Variants in DCLK1 observed in about 807,000 individuals in gnomAD.
DCLK1 encodes the protein serine/threonine-protein kinase DCLK1.
A neutral mutation model predicts 86.2 loss-of-function variants in DCLK1; 16 were observed. The ratio of observed to expected loss-of-function variants is 0.19; its 90% confidence interval spans 0.13 to 0.28. The LOEUF is 0.28. DCLK1 is among the 10% of genes least tolerant of loss of function. The pLI is 1.00. For missense variants in DCLK1, 590 were observed against 940.2 expected (o/e 0.63, Z 4.87); for synonymous variants, 369 against 370.5 (o/e 1.00, Z 0.05).
chr13:35,974,325 T>C (rs28454508), intron 3 of DCLK1, among the ~76,000 whole-genome samples: 18,588 of 152,120 alleles, frequency 0.12, 2,102 homozygotes, highest in African/African-American at 0.29. Flanking sequence ...ATCTTGCTAC[T>C]GTCCTTACAC....
At chr13:35,858,219 T>C (rs1871185414) in intron 5 of DCLK1, among the ~76,000 whole-genome samples, 1 of 152,006 alleles carries the variant, frequency 6.6e-6, no homozygotes, top group South Asian at 2.1e-4. Flanking sequence ...GGTAGTGTCA[T>C]GGGGTGGAGG....
chr13:35,808,656 G>A (rs1004626073), intron 13 of DCLK1, among the ~76,000 whole-genome samples: 4 of 152,120 alleles, frequency 2.6e-5, no homozygotes, highest in African/African-American at 4.8e-5. Flanking sequence ...GGCGGCGCAC[G>A]CCTGTGATCC....
At chr13:35,832,738 C>A (rs777894632) in intron 8 of DCLK1, among the ~76,000 whole-genome samples, 11 of 152,180 alleles carry the variant, frequency 7.2e-5, no homozygotes, top group Non-Finnish European at 1.5e-4. Context: ...CTGCCAAGAG[C>A]AGAGAGCAGA....
At position 35,972,167 on chromosome 13, in the gene DCLK1, TCTC is replaced by T. The variant is rs142159794; in HGVS notation, c.724-24713_724-24711del. On this transcript the variant is annotated intron_variant, in intron 3 of 16. Transcript: ENST00000360631. ...GTCCTATTTACCACCTAGACATTTC[TCTC>T]CTCCTCCTTCCTCTGAGGTCCTTTC... Among the ~76,000 whole-genome samples the T allele has an allele frequency of 1.5e-3, 230 of 152,280 alleles. 1 individual carries two copies. Among genetic ancestry groups the T allele is most frequent in the Non-Finnish European group, 2.3e-3 (158 of 68,028 alleles).
intron 10 of DCLK1, among the ~76,000 whole-genome samples, chr13:35,825,819 T>A (rs1039145821): frequency 1.7e-4 from 13 of 74,942 alleles, no homozygotes; most frequent in African/African-American, 4.4e-4. Context: ...TTTTCTTTTT[T>A]ATTTTTTTTT....
intron 3 of DCLK1, among the ~76,000 whole-genome samples, chr13:36,015,160 G>A (rs1196761990): frequency 1.3e-5 from 2 of 152,112 alleles, no homozygotes; most frequent in Non-Finnish European, 2.9e-5. Context: ...CATTAATGAG[G>A]ATTAGTTACA....
intron 4 of DCLK1, among the ~76,000 whole-genome samples, chr13:35,892,713 T>C (rs1264035119): frequency 6.6e-6 from 1 of 152,200 alleles, no homozygotes; most frequent in African/African-American, 2.4e-5. Context: ...TCTCCCATGA[T>C]AAAGGGACAG....
intron 8 of DCLK1, among the ~76,000 whole-genome samples, chr13:35,834,415 G>C (rs1293448675): frequency 6.6e-6 from 1 of 152,168 alleles, no homozygotes; most frequent in Non-Finnish European, 1.5e-5. Flanking sequence ...TAAAAGTGTG[G>C]TTTTTGGAGC....
intron 3 of DCLK1, among the ~76,000 whole-genome samples, chr13:36,083,894 A>G (rs536116513): frequency 4.6e-5 from 7 of 152,198 alleles, no homozygotes; most frequent in Non-Finnish European, 1.0e-4. Context: ...ATATCCTCCA[A>G]GTCAACAGGT....
chr13:35,822,942 C>A (rs985975036), intron 10 of DCLK1, 67 bp from the exon 11 acceptor site: 3 of 1,565,310 alleles, frequency 1.9e-6, no homozygotes, highest in Non-Finnish European at 2.6e-6. Flanking sequence ...CTGCAGAGGC[C>A]ATTGACAAAC....
intron 4 of DCLK1, among the ~76,000 whole-genome samples, chr13:35,898,672 G>A (rs866850206): frequency 2.0e-5 from 3 of 152,176 alleles, no homozygotes; most frequent in Admixed American, 2.0e-4. Flanking sequence ...TGTGACCATG[G>A]CTGCCATTTT....
At chr13:36,080,629 C>A (rs1022551163) in intron 3 of DCLK1, among the ~76,000 whole-genome samples, 1 of 152,100 alleles carries the variant, frequency 6.6e-6, no homozygotes, top group East Asian at 1.9e-4. Context: ...TTTATTGATT[C>A]TTGCATTATT....
At chr13:36,126,334 A>C (rs1201151494) in intron 1 of DCLK1, among the ~76,000 whole-genome samples, 178 bp from the exon 2 acceptor site, 1 of 152,042 alleles carries the variant, frequency 6.6e-6, no homozygotes, top group Non-Finnish European at 1.5e-5. Flanking sequence ...GGCTCAAATG[A>C]TCCTCCTGCA....
At chr13:35,897,452 G>A (rs958082515) in intron 4 of DCLK1, among the ~76,000 whole-genome samples, 87 of 152,264 alleles carry the variant, frequency 5.7e-4, no homozygotes, top group African/African-American at 1.9e-3. Context: ...GACTTTTTAG[G>A]AGCTCCATAA....
At chr13:35,913,810 C>A (rs575945956) in intron 4 of DCLK1, among the ~76,000 whole-genome samples, 1 of 151,962 alleles carries the variant, frequency 6.6e-6, no homozygotes, top group South Asian at 2.1e-4. Context: ...ACAGAAGTTA[C>A]GGAAGCATAA....
Position 35,839,117 on chromosome 13 carries a change from C to T in DCLK1, c.1095G>A (p.Met365Ile). Residue 365 changes from methionine to isoleucine, a missense_variant, in exon 7 of 17, where the codon ATG (methionine) becomes ATA (isoleucine). By Grantham distance (10) the Met-to-Ile change is conservative (BLOSUM62 1). Coordinates refer to ENST00000360631, the MANE Select transcript of DCLK1 (RefSeq NM_001330071.2). ...CTTCTCCAGGGCCATCGTTCTCATC[C>T]ATCGAGCTGCAGACTTTGGTGGACG... ...SLASTKVCSS[M>I]DENDGPGEEV... The T allele has an allele frequency of 5.0e-6, 8 of 1,599,758 alleles. No individual in the cohort carries two copies. Among genetic ancestry groups the T allele is most frequent in the Non-Finnish European group, 6.8e-6 (8 of 1,173,410 alleles).
chr13:35,852,039 A>G (rs754980372), intron 6 of DCLK1, among the ~76,000 whole-genome samples: 22 of 151,452 alleles, frequency 1.5e-4, no homozygotes, highest in Non-Finnish European at 2.6e-4. Context: ...GGGTGGGGGC[A>G]GTCAACTCAT....
At chr13:35,792,484 AT>A (rs2086725952) in intron 16 of DCLK1, among the ~76,000 whole-genome samples, 1 of 152,208 alleles carries the variant, frequency 6.6e-6, no homozygotes, top group South Asian at 2.1e-4. Context: ...GTTTAATAGC[AT>A]AAATACTTTT....
At position 35,985,392 on chromosome 13, in the gene DCLK1, A is replaced by C. The variant is rs75462842; in HGVS notation, c.724-37935T>G. On this transcript the variant is annotated intron_variant, in intron 3 of 16. Transcript: ENST00000360631. ...CCTGCTCTTTGAAAAACAAACAAAC[A>C]AAAAAAAAAAATTGGAGTACTGAAA... is the stretch of plus-strand genomic sequence containing the variant. 7.6e-5 allele frequency among the ~76,000 whole-genome samples: 7 copies of C among 92,078 alleles called. No homozygotes were observed. The East Asian group carries it at 1.3e-3, about 17-fold the overall frequency. 60.4% of individuals were successfully genotyped at this position (92,078 alleles called of 152,430 possible).
Sources: allele counts gnomAD v4.1 joint callset (sites outside exome capture counted in the v4.1 genomes callset), GRCh38; gene constraint gnomAD v4.1.1; transcripts MANE v1.5; gene names NCBI Gene and HGNC (gene_info 2026-07-23, HGNC 2026-07-21).